The following MATCAP1 variants were observed in gnomAD, a reference collection of about 807,000 sequenced individuals.
MATCAP1 encodes the protein microtubule-associated tyrosine carboxypeptidase 1.
At chr16:67,178,558 T>G in the MATCAP1 span, 1 of 1,433,304 alleles carries the variant, frequency 7.0e-7, no homozygotes. Flanking sequence ...GGGACCCGCC[T>G]GCGAGCCCAG....
chr16:67,179,029 T>A, the MATCAP1 span: 1 of 1,002,808 alleles, frequency 1.0e-6, no homozygotes, highest in Middle Eastern at 3.6e-4. The surrounding 1 kb of genome is among the most constrained non-coding windows in gnomAD (Gnocchi z 5.2). Flanking sequence ...GTGCCATGTG[T>A]CCTCAAGTCA....
At chr16:67,179,669 C>A in the MATCAP1 span, 3 of 1,456,564 alleles carry the variant, frequency 2.1e-6, no homozygotes, top group East Asian at 6.9e-5. The surrounding 1 kb of genome is among the most constrained non-coding windows in gnomAD (Gnocchi z 5.2). Context: ...CCAGGGCACC[C>A]ACCCTTCATC....
chr16:67,183,917 CCGG>C, the MATCAP1 span: 1 of 199,034 alleles, frequency 5.0e-6, no homozygotes, highest in Non-Finnish European at 1.0e-5. Flanking sequence ...CTCTGCTACA[CCGG>C]CCACCGGACG....
the MATCAP1 span, chr16:67,179,638 G>A: frequency 6.0e-5 from 90 of 1,503,014 alleles, no homozygotes; most frequent in East Asian, 2.0e-3. This position sits in a 1 kb window ranked among gnomAD's most constrained non-coding sequence, Gnocchi z 5.2. Flanking sequence ...ATGCCACAGG[G>A]CAGCGAGGCC....
At chr16:67,178,226 G>C in the MATCAP1 span, 1 of 1,543,980 alleles carries the variant, frequency 6.5e-7, no homozygotes, top group Non-Finnish European at 8.8e-7. Flanking sequence ...GTCTGGCCGC[G>C]CTTGGCGCGC....
chr16:67,177,178 T>C, the MATCAP1 span, among the ~76,000 whole-genome samples: 1 of 152,308 alleles, frequency 6.6e-6, no homozygotes, highest in African/African-American at 2.4e-5. Flanking sequence ...CTTTTTGTCA[T>C]AGATGCCCTA....
chr16:67,183,307 TC>T, the MATCAP1 span: 1 of 152,192 alleles, frequency 6.6e-6, no homozygotes, highest in Non-Finnish European at 1.5e-5. Context: ...ACGTCTCGGG[TC>T]CTTCCGCCAA....
the MATCAP1 span, chr16:67,179,450 C>A: frequency 1.2e-6 from 2 of 1,611,556 alleles, no homozygotes; most frequent in East Asian, 2.2e-5. The surrounding 1 kb of genome is among the most constrained non-coding windows in gnomAD (Gnocchi z 5.2). Context: ...CCGCAGCATG[C>A]CCTCCAACCA....
At chr16:67,182,439 C>G in the MATCAP1 span, among the ~76,000 whole-genome samples, 2 of 152,192 alleles carry the variant, frequency 1.3e-5, no homozygotes, top group African/African-American at 4.8e-5. Flanking sequence ...CCTAGATGTT[C>G]TCATCCACTC....
At chr16:67,176,125 G>A in the MATCAP1 span, 3 of 144,602 alleles carry the variant, frequency 2.1e-5, no homozygotes, top group African/African-American at 7.8e-5. This position sits in a 1 kb window ranked among gnomAD's most constrained non-coding sequence, Gnocchi z 4.3. Context: ...GTGTGTAATG[G>A]GAGTGGGGCT....
At chr16:67,181,463 G>A in the MATCAP1 span, 2 of 152,130 alleles carry the variant, frequency 1.3e-5, no homozygotes, top group East Asian at 3.9e-4. Context: ...CCTATCTGAG[G>A]GATCTTTCCA....
the MATCAP1 span, chr16:67,179,057 T>C: frequency 8.8e-7 from 1 of 1,136,498 alleles, no homozygotes; most frequent in Non-Finnish European, 1.1e-6. This position sits in a 1 kb window ranked among gnomAD's most constrained non-coding sequence, Gnocchi z 5.2. Flanking sequence ...TCCCAGGACC[T>C]GGCCTTCCAT....
chr16:67,178,875 T>A, the MATCAP1 span: 2 of 500,044 alleles, frequency 4.0e-6, no homozygotes, highest in South Asian at 3.7e-5. Context: ...CCATATCATC[T>A]TGAACAGTCA....
the MATCAP1 span, chr16:67,178,207 G>A: frequency 3.9e-6 from 6 of 1,532,608 alleles, no homozygotes; most frequent in Admixed American, 6.0e-5. Context: ...ACCTGGCAGC[G>A]AGGTGTCGGT....
At chr16:67,177,974 G>A in the MATCAP1 span, 1 of 1,561,914 alleles carries the variant, frequency 6.4e-7, no homozygotes, top group Non-Finnish European at 8.8e-7. Flanking sequence ...AAGGCAGGGA[G>A]CTGGCTGGGA....
chr16:67,179,516 A>G, the MATCAP1 span: 1 of 1,613,296 alleles, frequency 6.2e-7, no homozygotes, highest in Non-Finnish European at 8.5e-7. This position sits in a 1 kb window ranked among gnomAD's most constrained non-coding sequence, Gnocchi z 5.2. Flanking sequence ...GTTCTCCACC[A>G]TCATCACTGC....
the MATCAP1 span, chr16:67,179,952 C>T: frequency 1.9e-6 from 3 of 1,614,190 alleles, no homozygotes; most frequent in Non-Finnish European, 2.5e-6. The surrounding 1 kb of genome is among the most constrained non-coding windows in gnomAD (Gnocchi z 5.2). Flanking sequence ...TCAATGATGC[C>T]AACTGCCTGT....
chr16:67,179,343 G>C, the MATCAP1 span: 4 of 1,518,590 alleles, frequency 2.6e-6, no homozygotes, highest in African/African-American at 1.4e-5. The surrounding 1 kb of genome is among the most constrained non-coding windows in gnomAD (Gnocchi z 5.2). Context: ...ACAAAAAGGG[G>C]AGTTATTGGG....
the MATCAP1 span, chr16:67,179,917 G>T: frequency 1.1e-5 from 17 of 1,614,114 alleles, no homozygotes; most frequent in South Asian, 1.8e-4. This position sits in a 1 kb window ranked among gnomAD's most constrained non-coding sequence, Gnocchi z 5.2. Context: ...AGTGTTCATA[G>T]GTTCCAAACT....
Sources: allele counts gnomAD v4.1 joint callset (sites outside exome capture counted in the v4.1 genomes callset), GRCh38; gene constraint gnomAD v4.1.1; non-coding constraint Gnocchi (gnomAD v3.1); transcripts MANE v1.5; gene names NCBI Gene and HGNC (gene_info 2026-07-23, HGNC 2026-07-21).